Variants in BRI3 observed in about 807,000 individuals in gnomAD.
BRI3 encodes the protein brain protein I3, also known as membrane protein BRI3.
A neutral mutation model predicts 12.8 loss-of-function variants in BRI3; 6 were observed. The observed-to-expected ratio is 0.47, with a 90% confidence interval of 0.26 to 0.93. The LOEUF (loss-of-function observed/expected upper bound fraction) is 0.93. Among genes scored for constraint, BRI3 ranks in the 40% least tolerant of loss-of-function variants. The probability of loss-of-function intolerance (pLI) is 0.15; values close to 1 mark genes in which losing one functional copy is unlikely to be tolerated. For synonymous variants in BRI3, 91 were observed against 76.1 expected (o/e 1.20, Z -1.02); for missense variants, 134 against 171.1 (o/e 0.78, Z 1.21).
intron 2 of BRI3, among the ~76,000 whole-genome samples, chr7:98,284,081 C>T (rs1012257905): frequency 3.3e-5 from 5 of 152,334 alleles, no homozygotes; most frequent in East Asian, 1.9e-4. Context: ...TGGGAAGGAT[C>T]TTGGGCTCGG....
downstream of BRI3, among the ~76,000 whole-genome samples, chr7:98,297,609 G>T (rs535242138): frequency 6.6e-6 from 1 of 152,308 alleles, no homozygotes; most frequent in East Asian, 1.9e-4. Context: ...CTCGTCTGTG[G>T]CCCGGACTTG....
chr7:98,319,142 C>T, the BRI3 span, among the ~76,000 whole-genome samples: 1 of 152,080 alleles, frequency 6.6e-6, no homozygotes, highest in South Asian at 2.1e-4. Flanking sequence ...GGGCAACTCG[C>T]ACACTCACTG....
upstream of BRI3, among the ~76,000 whole-genome samples, chr7:98,305,522 C>T (rs1416321325): frequency 1.3e-5 from 2 of 151,668 alleles, no homozygotes. Flanking sequence ...CTGTGAACTT[C>T]GATCCTCCCG....
At chr7:98,300,856 G>A (rs1562964218) in intron 1 of BRI3, among the ~76,000 whole-genome samples, 1 of 152,168 alleles carries the variant, frequency 6.6e-6, no homozygotes, top group South Asian at 2.1e-4. Context: ...CCAAGTCACC[G>A]CAACGCCCAG....
intron 2 of BRI3, among the ~76,000 whole-genome samples, chr7:98,288,831 A>AGCGATC (rs1380711896): frequency 1.3e-5 from 2 of 151,898 alleles, no homozygotes; most frequent in Admixed American, 1.3e-4. Flanking sequence ...GCTGGCTTTA[A>AGCGATC]GCGATCCGCC....
chr7:98,315,419 A>C, downstream of BRI3: 1 of 1,355,152 alleles, frequency 7.4e-7, no homozygotes. Context: ...ATATGAAATA[A>C]AGTTATTAAT....
At chr7:98,319,900 A>G in the BRI3 span, among the ~76,000 whole-genome samples, 2 of 152,166 alleles carry the variant, frequency 1.3e-5, no homozygotes, top group Non-Finnish European at 2.9e-5. Flanking sequence ...CGGCCCACAC[A>G]GCCCAAAGAG....
downstream of BRI3, among the ~76,000 whole-genome samples, chr7:98,310,932 C>T (rs912770786): frequency 4.0e-5 from 6 of 151,890 alleles, no homozygotes; most frequent in Non-Finnish European, 8.8e-5. Flanking sequence ...GTGATCTGCC[C>T]GCCTAGGCCT....
downstream of BRI3, among the ~76,000 whole-genome samples, chr7:98,313,859 G>A (rs897317163): frequency 1.3e-5 from 2 of 151,180 alleles, no homozygotes; most frequent in African/African-American, 4.9e-5. Flanking sequence ...GGAACTCCTG[G>A]GCTCAAGTGA....
exon 2 of BRI3, chr7:98,308,217 TAGAG>T (rs1034331304): frequency 4.4e-5 from 23 of 528,094 alleles, no homozygotes; most frequent in African/African-American, 3.2e-4. Context: ...TGGCTCTTCT[TAGAG>T]AGACAAACCG....
intron 2 of BRI3, among the ~76,000 whole-genome samples, chr7:98,284,378 G>A (rs1376582108): frequency 1.3e-5 from 2 of 152,234 alleles, no homozygotes; most frequent in African/African-American, 2.4e-5. Context: ...CATTGGGCAT[G>A]GGATGGGCCC....
At chr7:98,306,096 A>C (rs548329357), upstream of BRI3, among the ~76,000 whole-genome samples, 1 of 152,306 alleles carries the variant, frequency 6.6e-6, no homozygotes, top group East Asian at 1.9e-4. Context: ...CAACAGCGTT[A>C]AGGGCTGTAA....
rs74368147 is a variant in BRI3, at chr7:98,287,453, C to T, written c.246-3658C>T. Among the ~76,000 whole-genome samples the T allele has an allele frequency of 6.0e-3, 921 of 152,246 alleles. 18 individuals are homozygous for T. The highest frequency in any genetic ancestry group is 0.021 in the African/African-American group (855 of 41,530). ...GGGTGTTTCCCTGTGCCTGGGAGGC[C>T]GTGGGGTCAGCACATTAGGTTTGGC... On this transcript the variant is annotated intron_variant, in intron 2 of 2. Coordinates refer to ENST00000297290, the MANE Select transcript of BRI3 (RefSeq NM_015379.5).
intron 2 of BRI3, among the ~76,000 whole-genome samples, chr7:98,286,437 C>T (rs1369840476): frequency 2.0e-5 from 3 of 152,200 alleles, no homozygotes; most frequent in Admixed American, 1.3e-4. Context: ...ATGGTCCCTC[C>T]CTGGCCGCGT....
At chr7:98,320,677 C>G in the BRI3 span, among the ~76,000 whole-genome samples, 1 of 152,092 alleles carries the variant, frequency 6.6e-6, no homozygotes, top group African/African-American at 2.4e-5. Flanking sequence ...TGAAACAGAA[C>G]AGGGAAACAC....
At chr7:98,310,678 A>G, downstream of BRI3, 1 of 925,088 alleles carries the variant, frequency 1.1e-6, no homozygotes, top group South Asian at 2.1e-5. Context: ...TTTTTTTTAA[A>G]TAATAGGCTA....
upstream of BRI3, chr7:98,304,438 CCT>C (rs541302263): frequency 1.1e-4 from 169 of 1,542,714 alleles, no homozygotes; most frequent in African/African-American, 1.7e-3. Flanking sequence ...CCCCAAACAT[CCT>C]CTGTGTCCCT....
Position 98,307,677 on chromosome 7 carries a change from G to A in BRI3, n.307G>A, listed in dbSNP as rs750448116. ...TCTGGTGCCCTGCGGGGACCATCACGCCCAGACTTACGCCTTGGACACGTC... is the reference window on the plus strand; with the variant it reads ...TCTGGTGCCCTGCGGGGACCATCACACCCAGACTTACGCCTTGGACACGTC... On this transcript the variant is annotated non_coding_transcript_exon_variant, in exon 2 of 2. Coordinates refer to the BRI3 transcript ENST00000485422. 1.5e-5 allele frequency: 25 copies of A among 1,613,190 alleles called. No individual in the cohort carries two copies. In the South Asian group the frequency reaches 1.9e-4, roughly 12 times the overall value.
At chr7:98,282,509 T>TGGC in intron 2 of BRI3, 56 bp downstream of exon 2, 1 of 1,443,116 alleles carries the variant, frequency 6.9e-7, no homozygotes. Flanking sequence ...ACCCCCGCCC[T>TGGC]AACCCCCAGG....
Sources: allele counts gnomAD v4.1 joint callset (sites outside exome capture counted in the v4.1 genomes callset), GRCh38; gene constraint gnomAD v4.1.1; transcripts MANE v1.5; gene names NCBI Gene and HGNC (gene_info 2026-07-23, HGNC 2026-07-21).